LSP1: variants seen among roughly 807,000 people sequenced by gnomAD.
LSP1 encodes the protein lymphocyte-specific protein 1.
In LSP1, 32 loss-of-function variants were observed where a neutral mutation model predicts 49.3. That is an observed-to-expected ratio of 0.65 (90% confidence interval 0.49 to 0.87). The LOEUF (loss-of-function observed/expected upper bound fraction) is 0.87, where lower values mean the gene tolerates loss of function less well. Ranked by LOEUF, LSP1 falls within the 40% of genes least tolerant of loss-of-function variation. LSP1 has a pLI of 0.00. For synonymous variants in LSP1, 179 were observed against 178.8 expected, an observed-to-expected ratio of 1.00 and a Z score of -0.01; for missense variants, 428 against 442.6, an observed-to-expected ratio of 0.97 and a Z score of 0.30.
Position 1,884,147 on chromosome 11 carries a change from C to G in LSP1, c.591+123C>G, listed in dbSNP as rs1343089811. The stretch of plus-strand genomic sequence containing the variant: ...GCCTGGCTTTTGTCTGCTATCCCCC[C>G]ATTGCCCGGTGCTCAGCGAACCCCC... On this transcript the variant is annotated intron_variant, in intron 5 of 10. Transcript: ENST00000311604. This position sits in a 1 kb window ranked among gnomAD's most constrained non-coding sequence, Gnocchi z 4.1. 1.4e-6 allele frequency: 2 copies of G among 1,421,628 alleles called. No homozygotes were observed. The highest frequency in any genetic ancestry group is 2.3e-5 in the East Asian group (1 of 43,788). The allele number at this position is 1,421,628 out of a possible 1,614,324, so 88.1% of individuals were successfully genotyped here. A position where few individuals can be genotyped will look rare whatever the true frequency, so the allele number is the denominator to read the frequency against.
chr11:1,876,287 G>A (rs1848306531), intron 1 of LSP1, among the ~76,000 whole-genome samples: 1 of 152,178 alleles, frequency 6.6e-6, no homozygotes, highest in South Asian at 2.1e-4. Flanking sequence ...CCCAGGGGAG[G>A]CTGGGCTCAT....
At chr11:1,891,356 G>C (rs950015291) in intron 10 of LSP1, 1 of 152,332 alleles carries the variant, frequency 6.6e-6, no homozygotes, top group Non-Finnish European at 1.5e-5. Flanking sequence ...TGCCGCTGGT[G>C]GGGGCTGGCT....
At position 1,884,238 on chromosome 11, in the gene LSP1, C is replaced by T; in HGVS notation, c.592-42C>T. The T allele has an allele frequency of 6.2e-7, 1 of 1,611,974 alleles. No individual in the cohort carries two copies. Among genetic ancestry groups the T allele is most frequent in the Non-Finnish European group, 8.5e-7 (1 of 1,178,110 alleles). On this transcript the variant is annotated intron_variant, in intron 5 of 10. Transcript: ENST00000311604. The surrounding 1 kb of genome is among the most constrained non-coding windows in gnomAD (Gnocchi z 4.1). ...CTGGGGAGATGGAGGGTGGGCTTTACCTCGGCTGCTGCAGGCCTGTGTCTC... is the reference window on the plus strand; with the variant it reads ...CTGGGGAGATGGAGGGTGGGCTTTATCTCGGCTGCTGCAGGCCTGTGTCTC...
intron 3 of LSP1, 97 bp downstream of exon 3, chr11:1,881,693 C>T (rs74776955): frequency 0.012 from 15,729 of 1,348,718 alleles, 609 homozygotes; most frequent in African/African-American, 0.11. Context: ...CTCTGGACCT[C>T]GAGGGCGGGC....
intron 1 of LSP1, among the ~76,000 whole-genome samples, chr11:1,856,691 C>T (rs1847497716): frequency 6.6e-6 from 1 of 152,222 alleles, no homozygotes; most frequent in Admixed American, 6.5e-5. Flanking sequence ...AGGCCCCCGG[C>T]AGCCCCCTGG....
intron 1 of LSP1, chr11:1,864,284 A>C (rs749727591): frequency 1.0e-6 from 1 of 984,436 alleles, no homozygotes; most frequent in Non-Finnish European, 1.2e-6. Context: ...CGGCCGACGA[A>C]GGAGAAGAAC....
chr11:1,888,105 T>C (rs1848832429), intron 10 of LSP1, among the ~76,000 whole-genome samples: 1 of 152,144 alleles, frequency 6.6e-6, no homozygotes, highest in Admixed American at 6.5e-5. Flanking sequence ...CATTTATTAG[T>C]GACCTGGGCC....
At chr11:1,879,958 G>T in intron 1 of LSP1, 129 bp from the exon 2 acceptor site, 1 of 1,154,184 alleles carries the variant, frequency 8.7e-7, no homozygotes, top group Admixed American at 2.4e-5. Flanking sequence ...GGCCGGCCTG[G>T]GACTGACCTC....
chr11:1,876,526 G>A (rs1319784951), intron 1 of LSP1: 4 of 985,412 alleles, frequency 4.1e-6, no homozygotes, highest in South Asian at 4.7e-5. Flanking sequence ...CTCTCCAGCC[G>A]CCCTCTGGGC....
intron 10 of LSP1, chr11:1,889,366 G>A (rs770355046): frequency 1.1e-5 from 8 of 709,150 alleles, no homozygotes; most frequent in Non-Finnish European, 1.6e-5. Flanking sequence ...ACTGACATGC[G>A]GTACAGCACG....
chr11:1,864,223 C>T, intron 1 of LSP1: 1 of 987,676 alleles, frequency 1.0e-6, no homozygotes, highest in African/African-American at 1.7e-5. Flanking sequence ...AGGGTCCAGG[C>T]CTGCGATGAT....
At chr11:1,890,185 T>C in intron 10 of LSP1, 1 of 716,502 alleles carries the variant, frequency 1.4e-6, no homozygotes, top group South Asian at 1.5e-5. Flanking sequence ...GTGAGGCCGA[T>C]GGAGAACGTG....
At chr11:1,869,975 G>A (rs577500253) in intron 1 of LSP1, among the ~76,000 whole-genome samples, 5 of 152,230 alleles carry the variant, frequency 3.3e-5, no homozygotes, top group East Asian at 1.9e-4. Flanking sequence ...CCCCAGCCAC[G>A]TCATCAGCTC....
intron 1 of LSP1, chr11:1,876,373 G>T: frequency 1.1e-6 from 1 of 882,878 alleles, no homozygotes; most frequent in Non-Finnish European, 1.4e-6. Flanking sequence ...AGCTCCCCAG[G>T]CCTCCTGCCA....
chr11:1,857,523 G>A (rs946339264), intron 1 of LSP1, among the ~76,000 whole-genome samples: 1 of 152,228 alleles, frequency 6.6e-6, no homozygotes, highest in South Asian at 2.1e-4. Context: ...GGTGAGGGGT[G>A]GGGGCGTGAG....
At chr11:1,863,376 G>C (rs539569976) in intron 1 of LSP1, 1 of 152,434 alleles carries the variant, frequency 6.6e-6, no homozygotes, top group Non-Finnish European at 1.5e-5. Flanking sequence ...ACAGAGGGTG[G>C]CATGGGCAGA....
intron 1 of LSP1, chr11:1,870,412 T>C: frequency 8.2e-7 from 1 of 1,222,922 alleles, no homozygotes; most frequent in Non-Finnish European, 1.1e-6. Flanking sequence ...CTGCCATGTC[T>C]TCCCTGCACC....
chr11:1,871,057 C>CTA, intron 1 of LSP1: 1 of 985,624 alleles, frequency 1.0e-6, no homozygotes, highest in Non-Finnish European at 1.2e-6. Context: ...AGGGTGAGAG[C>CTA]TGCGGCGGAG....
chr11:1,890,558 T>TGCCATCGACGCAGC (rs1848957594), intron 10 of LSP1: 1 of 711,684 alleles, frequency 1.4e-6, no homozygotes, highest in Non-Finnish European at 2.6e-6. Context: ...ACACCTCGGG[T>TGCCATCGACGCAGC]GCCATCGACG....
Sources: allele counts gnomAD v4.1 joint callset (sites outside exome capture counted in the v4.1 genomes callset), GRCh38; gene constraint gnomAD v4.1.1; non-coding constraint Gnocchi (gnomAD v3.1); transcripts MANE v1.5; gene names NCBI Gene and HGNC (gene_info 2026-07-23, HGNC 2026-07-21).